Variants in PDE3A observed in about 807,000 individuals in gnomAD.
PDE3A encodes the protein cGMP-inhibited 3',5'-cyclic phosphodiesterase 3A.
A neutral mutation model predicts 98.3 loss-of-function variants in PDE3A; 43 were observed. The ratio of observed to expected loss-of-function variants is 0.44; its 90% CI spans 0.34 to 0.56. The LOEUF (loss-of-function observed/expected upper bound fraction) is 0.56. Ranked by LOEUF, PDE3A falls within the 20% of genes least tolerant of loss-of-function variation. The pLI, the probability that PDE3A is intolerant of heterozygous loss-of-function variation, is 0.01. For synonymous variants in PDE3A, 663 were observed against 567.9 expected (o/e 1.17, Z -2.38); for missense variants, 1,427 against 1,440.7 (o/e 0.99, Z 0.15).
chr12:20,682,497 C>A lies in PDE3A; in HGVS notation c.*2226C>A, dbSNP rs542752046. On this transcript the variant is annotated 3_prime_UTR_variant, in exon 16 of 16. Transcript: ENST00000359062. Reference sequence around the variant, plus strand: ...TATACATGGTTTCAAGGCAAATTCTCCAATAAGTTGGAAAATGTAAAAAGG... The same window carrying A: ...TATACATGGTTTCAAGGCAAATTCTACAATAAGTTGGAAAATGTAAAAAGG... 31 of 152,240 alleles carry A rather than the reference C, an allele frequency of 2.0e-4. No individual in the cohort carries two copies. The highest frequency in any genetic ancestry group is 7.2e-4 in the African/African-American group (30 of 41,548). The allele number at this position is 152,240 out of a possible 1,614,324, so 9.4% of individuals were successfully genotyped here.
chr12:20,591,675 G>T (rs947402733), intron 2 of PDE3A, among the ~76,000 whole-genome samples: 1 of 152,192 alleles, frequency 6.6e-6, no homozygotes, highest in African/African-American at 2.4e-5. Context: ...GTAGAGAGGT[G>T]TTATTCTTTT....
intron 5 of PDE3A, among the ~76,000 whole-genome samples, chr12:20,625,213 C>T (rs576056338): frequency 3.3e-5 from 5 of 152,278 alleles, no homozygotes; most frequent in Non-Finnish European, 7.4e-5. Flanking sequence ...TCACATAGGA[C>T]TCCTTTAATA....
At position 20,646,586 on chromosome 12, in the gene PDE3A, G is replaced by A; in HGVS notation, c.2348G>A (p.Gly783Asp). 6.3e-7 allele frequency: 1 copy of A among 1,589,428 alleles called. No individual in the cohort carries two copies. Reference sequence around the variant, plus strand: ...CTCTCAACTGTGATTAATGATCATGGTTCAACCAGTGATTCAGGTATGTAC... The same window carrying A: ...CTCTCAACTGTGATTAATGATCATGATTCAACCAGTGATTCAGGTATGTAC... ...PGLSTVINDH[G>D]STSDSDSDSG... The change falls in exon 11 of 16, where the codon GGT (glycine) becomes GAT (aspartate). Residue 783 changes from glycine (G) to aspartate (D), a missense_variant. Physicochemically the swap from Gly to Asp is moderately conservative, Grantham distance 94 (BLOSUM62 -1). This residue lies in a region of PDE3A where 273 missense variants were observed against 420.3 expected (regional missense o/e 0.65). Coordinates refer to ENST00000359062, the MANE Select transcript of PDE3A (RefSeq NM_000921.5).
At chr12:20,436,598 T>C (rs761815126) in intron 1 of PDE3A, among the ~76,000 whole-genome samples, 2 of 152,208 alleles carry the variant, frequency 1.3e-5, no homozygotes, top group Non-Finnish European at 2.9e-5. Flanking sequence ...AATGATTTCA[T>C]CTCCAGGATT....
Position 20,612,637 on chromosome 12 carries a change from T to TTATATAAGTAACTATATATAAGTAA in PDE3A, c.1012-801_1012-777dup, listed in dbSNP as rs1555100125. Among the ~76,000 whole-genome samples the TTATATAAGTAACTATATATAAGTAA allele has an allele frequency of 9.5e-4, 108 of 113,190 alleles. 12 individuals carry two copies. Among genetic ancestry groups the TTATATAAGTAACTATATATAAGTAA allele is most frequent in the African/African-American group, 1.5e-3 (48 of 30,992 alleles). 74.3% of individuals were successfully genotyped at this position (113,190 alleles called of 152,430 possible). A position where few individuals can be genotyped will look rare whatever the true frequency, so the allele number is the denominator to read the frequency against. ...AACTATATATAAGTAATATAGTTAC[T>TTATATAAGTAACTATATATAAGTAA]TATATAAGTAACTATATATAAGTAA... is the stretch of plus-strand genomic sequence containing the variant. On this transcript the variant is annotated intron_variant, in intron 2 of 15. Coordinates refer to ENST00000359062, the MANE Select transcript of PDE3A (RefSeq NM_000921.5).
intron 15 of PDE3A, among the ~76,000 whole-genome samples, chr12:20,671,010 A>C (rs975710164): frequency 2.7e-5 from 3 of 112,424 alleles, no homozygotes; most frequent in Non-Finnish European, 5.4e-5. Context: ...AATATGATAA[A>C]GGGGATATCA....
chr12:20,678,473 G>A (rs945354313), intron 15 of PDE3A, among the ~76,000 whole-genome samples: 1 of 152,066 alleles, frequency 6.6e-6, no homozygotes, highest in African/African-American at 2.4e-5. Context: ...GTATGCTAAG[G>A]TAGAACCTTT....
At chr12:20,464,872 A>G (rs61912060) in intron 1 of PDE3A, among the ~76,000 whole-genome samples, 2,142 of 151,516 alleles carry the variant, frequency 0.014, 21 homozygotes, top group Non-Finnish European at 0.024. Flanking sequence ...TTTTATAGAG[A>G]GAAAAACAGA....
chr12:20,384,673 T>C (rs542833962), intron 1 of PDE3A, among the ~76,000 whole-genome samples: 1 of 151,880 alleles, frequency 6.6e-6, no homozygotes, highest in East Asian at 1.9e-4. Context: ...TTTATCCTGC[T>C]TTTTTTCACC....
At chr12:20,540,672 G>A (rs1252015749) in intron 1 of PDE3A, among the ~76,000 whole-genome samples, 1 of 151,994 alleles carries the variant, frequency 6.6e-6, no homozygotes, top group Non-Finnish European at 1.5e-5. Context: ...TGTTTATGGA[G>A]AAATTTAAGA....
rs1259768778 is a variant in PDE3A, at chr12:20,552,013, C to T, written c.961-4647C>T. On this transcript the variant is annotated intron_variant, in intron 1 of 15. Coordinates refer to ENST00000359062, the MANE Select transcript of PDE3A (RefSeq NM_000921.5). This position sits in a 1 kb window ranked among gnomAD's most constrained non-coding sequence, Gnocchi z 5.1. ...CAACGACGGAGCGTACTCCCTAGTC[C>T]TGGCGGGGGGCTACGAGGATGACGT... is the stretch of plus-strand genomic sequence containing the variant. 6 of 1,612,368 alleles carry T rather than the reference C, an allele frequency of 3.7e-6. No individual in the cohort carries two copies. Among genetic ancestry groups the T allele is most frequent in the Non-Finnish European group, 5.1e-6 (6 of 1,179,894 alleles).
intron 2 of PDE3A, among the ~76,000 whole-genome samples, chr12:20,587,002 G>A (rs1943214036): frequency 6.6e-6 from 1 of 152,146 alleles, no homozygotes; most frequent in African/African-American, 2.4e-5. Flanking sequence ...CTCATTTGCA[G>A]GAACAGGCTA....
intron 1 of PDE3A, among the ~76,000 whole-genome samples, chr12:20,434,191 C>A (rs536094294): frequency 2.7e-5 from 4 of 150,936 alleles, no homozygotes; most frequent in Admixed American, 6.6e-5. Context: ...TCCTGCGTTT[C>A]AGCTGAGTTT....
At chr12:20,450,630 A>C (rs1352980396) in intron 1 of PDE3A, among the ~76,000 whole-genome samples, 1 of 152,238 alleles carries the variant, frequency 6.6e-6, no homozygotes, top group Non-Finnish European at 1.5e-5. Context: ...AACATTTGAG[A>C]GAATGCTATC....
At chr12:20,625,018 G>A (rs567006083) in intron 5 of PDE3A, among the ~76,000 whole-genome samples, 1 of 152,300 alleles carries the variant, frequency 6.6e-6, no homozygotes, top group Non-Finnish European at 1.5e-5. Flanking sequence ...GAGGGAAAGC[G>A]AGTATGAAGT....
At chr12:20,416,551 A>G (rs1348505724) in intron 1 of PDE3A, among the ~76,000 whole-genome samples, 1 of 152,196 alleles carries the variant, frequency 6.6e-6, no homozygotes, top group Non-Finnish European at 1.5e-5. Flanking sequence ...TAAAGTTTGC[A>G]GTTACTTTAA....
intron 10 of PDE3A, among the ~76,000 whole-genome samples, chr12:20,642,088 T>C (rs1249340328): frequency 6.6e-6 from 1 of 152,120 alleles, no homozygotes; most frequent in Non-Finnish European, 1.5e-5. Context: ...TTTCTAATGG[T>C]CCTATCTAAA....
chr12:20,679,965 A>G (rs1293454634), intron 15 of PDE3A, 65 bp from the exon 16 acceptor site: 1 of 1,076,466 alleles, frequency 9.3e-7, no homozygotes, highest in Non-Finnish European at 1.3e-6. Flanking sequence ...AAAAGAGATA[A>G]CGTTCATGTG....
chr12:20,620,699 C>T (rs1032709051), intron 4 of PDE3A, among the ~76,000 whole-genome samples: 1 of 152,034 alleles, frequency 6.6e-6, no homozygotes, highest in Non-Finnish European at 1.5e-5. Flanking sequence ...TTGCCTTTCT[C>T]CTAGTTCCTA....
Sources: gnomAD v4.1 joint callset for allele counts (sites outside exome capture counted in the v4.1 genomes callset) on GRCh38, gnomAD v4.1.1 for gene constraint, gnomAD v4.1.1 regional missense constraint, Gnocchi (gnomAD v3.1) non-coding constraint, MANE v1.5 for transcripts, NCBI Gene and HGNC (gene_info 2026-07-23, HGNC 2026-07-21) for gene names.